The following TET1 variants were observed in gnomAD, a reference collection of about 807,000 sequenced individuals.
The protein encoded by TET1 is tet methylcytosine dioxygenase 1, also known as methylcytosine dioxygenase TET1.
In TET1, 13 loss-of-function variants were observed where a neutral mutation model predicts 148.7. The observed-to-expected ratio is 0.09, with a 90% CI of 0.06 to 0.14. The LOEUF (loss-of-function observed/expected upper bound fraction) is 0.14, where lower values mean the gene tolerates loss of function less well. TET1 is among the 10% of genes least tolerant of loss of function. TET1 has a pLI of 1.00. For missense variants in TET1, 2,182 were observed against 2,553.8 expected, an observed-to-expected ratio of 0.85 and a Z score of 3.14; for synonymous variants, 907 against 937.2, an observed-to-expected ratio of 0.97 and a Z score of 0.59.
chr10:68,617,357 G>T (rs2054309096), intron 3 of TET1, among the ~76,000 whole-genome samples: 1 of 151,220 alleles, frequency 6.6e-6, no homozygotes, highest in Non-Finnish European at 1.5e-5. Context: ...ATGGAGTCTT[G>T]TTACATTGCC....
At chr10:68,627,392 A>C (rs368440193) in intron 3 of TET1, among the ~76,000 whole-genome samples, 18 of 150,942 alleles carry the variant, frequency 1.2e-4, no homozygotes, top group African/African-American at 4.1e-4. Flanking sequence ...CCTGGGTGAC[A>C]GCAAGATTCT....
chr10:68,667,027 T>C lies in TET1; in HGVS notation c.4462-18T>C, dbSNP rs746861745. 6.2e-7 allele frequency: 1 copy of C among 1,609,226 alleles called. No homozygotes were observed. The highest frequency in any genetic ancestry group is 2.2e-5 in the East Asian group (1 of 44,810). On this transcript the variant is annotated intron_variant, in intron 6 of 11. Transcript: ENST00000373644. The stretch of plus-strand genomic sequence containing the variant: ...GGCATACTTGTCTTCCATAGATGAA[T>C]GTATTCTGTTTTTTCAGGTTTTAAG...
In TET1 at chr10:68,572,957, A is replaced by G. The variant is rs748355482; in HGVS notation, c.619A>G (p.Ser207Gly). Residue 207 changes from serine to glycine, a missense_variant, in exon 2 of 12, where the codon AGT (serine) becomes GGT (glycine). Coordinates refer to ENST00000373644, the MANE Select transcript of TET1 (RefSeq NM_030625.3). Reference sequence around the variant, plus strand: ...TTCCAAGATCAATATCCCTACCCACAGTGGCCCTGCAGCTGAGATCCTTCC... The same window carrying G: ...TTCCAAGATCAATATCCCTACCCACGGTGGCCCTGCAGCTGAGATCCTTCC... ...EDSKINIPTH[S>G]GPAAEILPGP... The G allele has an allele frequency of 4.3e-6, 7 of 1,614,004 alleles. No homozygotes were observed. The highest frequency in any genetic ancestry group is 1.3e-5 in the African/African-American group (1 of 74,904).
At chr10:68,626,920 T>C (rs568604051) in intron 3 of TET1, among the ~76,000 whole-genome samples, 29 of 152,182 alleles carry the variant, frequency 1.9e-4, no homozygotes, top group Non-Finnish European at 2.2e-4. Context: ...AAACTTTAGG[T>C]TGTGAAATAT....
chr10:68,620,616 G>A (rs1478487384), intron 3 of TET1, among the ~76,000 whole-genome samples: 1 of 145,520 alleles, frequency 6.9e-6, no homozygotes, highest in African/African-American at 2.5e-5. Flanking sequence ...TAACTACTAT[G>A]AAGAATCCTG....
At chr10:68,575,776 C>T (rs1201032111) in intron 2 of TET1, among the ~76,000 whole-genome samples, 1 of 151,732 alleles carries the variant, frequency 6.6e-6, no homozygotes, top group Non-Finnish European at 1.5e-5. Context: ...AATCCCAGTA[C>T]TTTGGGAGGC....
At chr10:68,665,447 A>C (rs549322757) in intron 6 of TET1, among the ~76,000 whole-genome samples, 2 of 152,218 alleles carry the variant, frequency 1.3e-5, no homozygotes, top group South Asian at 2.1e-4. Flanking sequence ...TTTTAATAAT[A>C]GTTTTAGTTT....
At position 68,674,820 on chromosome 10, in the gene TET1, T is replaced by C. The variant is rs1338204927; in HGVS notation, c.4824+1775T>C. On this transcript the variant is annotated intron_variant, in intron 8 of 11. Transcript: ENST00000373644. ...TTCGGCCAAATCTGGAACAAGTTGA[T>C]GGAAATCATGACCCGAGAGGTGCAG... 6.3e-6 allele frequency: 3 copies of C among 477,650 alleles called. No homozygotes were observed. In the East Asian group the frequency reaches 1.6e-4, roughly 26 times the overall value. The allele number at this position is 477,650 out of a possible 1,614,324, so 29.6% of individuals were successfully genotyped here.
At chr10:68,687,442 A>G (rs2055530223) in intron 11 of TET1, among the ~76,000 whole-genome samples, 1 of 152,136 alleles carries the variant, frequency 6.6e-6, no homozygotes, top group Non-Finnish European at 1.5e-5. Context: ...GTTGGCATAG[A>G]TAAGAGACAT....
At chr10:68,598,700 CTTTTTTTTT>C (rs36067164) in intron 2 of TET1, among the ~76,000 whole-genome samples, 1 of 129,904 alleles carries the variant, frequency 7.7e-6, no homozygotes, top group Non-Finnish European at 1.6e-5. Flanking sequence ...CTTTTTCTTT[CTTTTTTTTT>C]TTTTTTTGGA....
At chr10:68,689,066 A>G (rs1362885600) in intron 11 of TET1, among the ~76,000 whole-genome samples, 2 of 152,216 alleles carry the variant, frequency 1.3e-5, no homozygotes, top group African/African-American at 4.8e-5. Flanking sequence ...TACTTGGGCC[A>G]TAATGTCCTT....
At chr10:68,634,895 G>C (rs1052009805) in intron 3 of TET1, among the ~76,000 whole-genome samples, 1 of 152,046 alleles carries the variant, frequency 6.6e-6, no homozygotes, top group African/African-American at 2.4e-5. Context: ...CTGTGTAGCT[G>C]AGATTACAGG....
intron 11 of TET1, among the ~76,000 whole-genome samples, chr10:68,687,143 C>T (rs1222259199): frequency 3.5e-5 from 5 of 142,190 alleles, no homozygotes; most frequent in African/African-American, 1.3e-4. Context: ...CCCGCCCCCC[C>T]GCCCCCGCCT....
intron 2 of TET1, among the ~76,000 whole-genome samples, chr10:68,580,841 C>T (rs1175615853): frequency 6.7e-6 from 1 of 148,216 alleles, no homozygotes; most frequent in Non-Finnish European, 1.5e-5. Context: ...TGGTGGCCCA[C>T]ACTTTTGTAA....
intron 3 of TET1, among the ~76,000 whole-genome samples, chr10:68,608,178 T>C (rs750613319): frequency 1.1e-4 from 16 of 152,172 alleles, no homozygotes; most frequent in Non-Finnish European, 2.1e-4. Context: ...TCCACCCTCC[T>C]TGGCCTCCCA....
intron 8 of TET1, among the ~76,000 whole-genome samples, chr10:68,675,588 C>A (rs1295753492): frequency 8.1e-6 from 1 of 124,202 alleles, no homozygotes; most frequent in East Asian, 2.4e-4. Context: ...TTTTTTGAGT[C>A]TGGGTCTCGC....
chr10:68,617,591 G>C (rs2054311794), intron 3 of TET1, among the ~76,000 whole-genome samples: 1 of 152,034 alleles, frequency 6.6e-6, no homozygotes, highest in Admixed American at 6.6e-5. Flanking sequence ...TGTTGCCTAG[G>C]CTGGAGTGCA....
At chr10:68,683,817 CA>C (rs1430956848) in intron 10 of TET1, among the ~76,000 whole-genome samples, 5 of 152,154 alleles carry the variant, frequency 3.3e-5, no homozygotes, top group Non-Finnish European at 7.3e-5. Flanking sequence ...TTTTGTGAGG[CA>C]ACTGTGCCAA....
At chr10:68,577,423 G>A (rs1388269406) in intron 2 of TET1, among the ~76,000 whole-genome samples, 2 of 152,188 alleles carry the variant, frequency 1.3e-5, no homozygotes, top group Non-Finnish European at 2.9e-5. Flanking sequence ...GAGAGGCTGA[G>A]GGGAGAGGAT....
Sources: gnomAD v4.1 joint callset for allele counts (sites outside exome capture counted in the v4.1 genomes callset) on GRCh38, gnomAD v4.1.1 for gene constraint, MANE v1.5 for transcripts, NCBI Gene and HGNC (gene_info 2026-07-23, HGNC 2026-07-21) for gene names.